ITPRID1: variants seen among roughly 807,000 people sequenced by gnomAD.
ITPRID1 encodes the protein protein ITPRID1.
Under a neutral mutation model 95.4 loss-of-function variants are expected in ITPRID1, and 96 were observed. That is an observed-to-expected ratio of 1.01 (90% CI 0.85 to 1.19). The LOEUF (loss-of-function observed/expected upper bound fraction) is 1.19, where lower values mean the gene tolerates loss of function less well. Among genes scored for constraint, ITPRID1 ranks in the 50% most tolerant of loss-of-function variants. The pLI is 0.00. For synonymous variants in ITPRID1, 510 were observed against 453.6 expected, an observed-to-expected ratio of 1.12 and a Z score of -1.58; for missense variants, 1,339 against 1,252.9, an observed-to-expected ratio of 1.07 and a Z score of -1.04.
intron 12 of ITPRID1, among the ~76,000 whole-genome samples, chr7:31,650,667 T>TA (rs920188221): frequency 6.6e-6 from 1 of 152,148 alleles, no homozygotes; most frequent in African/African-American, 2.4e-5. Context: ...GGACTAAGAC[T>TA]AATAAACATT....
intron 11 of ITPRID1, 92 bp from the exon 12 acceptor site, chr7:31,642,590 C>T (rs967291821): frequency 1.1e-4 from 126 of 1,166,864 alleles, no homozygotes; most frequent in Non-Finnish European, 1.4e-4. Context: ...TCTCCTGACT[C>T]CTAAGGCAAT....
chr7:31,552,465 G>T (rs1784312470), intron 2 of ITPRID1, among the ~76,000 whole-genome samples: 1 of 152,084 alleles, frequency 6.6e-6, no homozygotes, highest in African/African-American at 2.4e-5. Flanking sequence ...TTCCACTGAG[G>T]TTAACAGTTA....
intron 10 of ITPRID1, among the ~76,000 whole-genome samples, chr7:31,623,554 AC>A (rs1309122864): frequency 1.7e-4 from 26 of 151,522 alleles, no homozygotes; most frequent in Admixed American, 2.0e-4. Flanking sequence ...AAATTCAACA[AC>A]CCTTCATACT....
At chr7:31,550,071 AT>A (rs1246034083) in intron 2 of ITPRID1, among the ~76,000 whole-genome samples, 7 of 152,122 alleles carry the variant, frequency 4.6e-5, no homozygotes, top group African/African-American at 1.7e-4. Flanking sequence ...ATTTTTTCTG[AT>A]TTTGATTATT....
At chr7:31,560,132 G>A (rs187345388) in intron 5 of ITPRID1, among the ~76,000 whole-genome samples, 5 of 152,306 alleles carry the variant, frequency 3.3e-5, no homozygotes, top group Admixed American at 3.3e-4. Context: ...GGGAACATTT[G>A]TTATCTGGGG....
At chr7:31,562,071 G>T (rs926635976) in intron 5 of ITPRID1, among the ~76,000 whole-genome samples, 6 of 65,108 alleles carry the variant, frequency 9.2e-5, no homozygotes, top group African/African-American at 3.5e-4. Context: ...AAAAAAAAAA[G>T]CCTGGAGAGA....
intron 1 of ITPRID1, among the ~76,000 whole-genome samples, chr7:31,520,491 G>A (rs1178140489): frequency 3.3e-5 from 5 of 150,996 alleles, no homozygotes; most frequent in African/African-American, 9.7e-5. Context: ...GTTGATTCCT[G>A]TGTCTCTTTG....
intron 1 of ITPRID1, among the ~76,000 whole-genome samples, chr7:31,549,218 A>C (rs1236159027): frequency 6.6e-6 from 1 of 152,172 alleles, no homozygotes; most frequent in Non-Finnish European, 1.5e-5. Context: ...CAAGACTCTG[A>C]TAAGCACCTC....
At chr7:31,636,136 C>T (rs1789462489) in intron 10 of ITPRID1, among the ~76,000 whole-genome samples, 1 of 152,080 alleles carries the variant, frequency 6.6e-6, no homozygotes. Context: ...ACAAGAATAG[C>T]ATGGGGGTGG....
chr7:31,633,076 A>C (rs983950337), intron 10 of ITPRID1, among the ~76,000 whole-genome samples: 1 of 151,912 alleles, frequency 6.6e-6, no homozygotes, highest in Non-Finnish European at 1.5e-5. Flanking sequence ...TAGTAAAGAC[A>C]GGGTTTCACC....
chr7:31,540,043 A>G (rs1583473971), intron 1 of ITPRID1, among the ~76,000 whole-genome samples: 1 of 152,268 alleles, frequency 6.6e-6, no homozygotes, highest in South Asian at 2.1e-4. Flanking sequence ...TGCTTGTTCA[A>G]ATGGTGATGC....
intron 1 of ITPRID1, among the ~76,000 whole-genome samples, chr7:31,523,609 T>G (rs1783336554): frequency 6.6e-6 from 1 of 152,214 alleles, no homozygotes; most frequent in Admixed American, 6.5e-5. Flanking sequence ...GGCTTGGTCC[T>G]GTCCTCATAA....
intron 1 of ITPRID1, among the ~76,000 whole-genome samples, chr7:31,531,525 T>C (rs1783596287): frequency 6.6e-6 from 1 of 152,146 alleles, no homozygotes; most frequent in Admixed American, 6.5e-5. Flanking sequence ...GATCGTTCAC[T>C]GGGGGAGCAT....
chr7:31,540,737 C>G (rs1783906724), intron 1 of ITPRID1, among the ~76,000 whole-genome samples: 1 of 152,214 alleles, frequency 6.6e-6, no homozygotes, highest in Non-Finnish European at 1.5e-5. Context: ...TTTGTACCAT[C>G]AAATACCTAT....
chr7:31,553,357 C>T (rs1784348784), intron 3 of ITPRID1, among the ~76,000 whole-genome samples, 170 bp downstream of exon 3: 1 of 152,216 alleles, frequency 6.6e-6, no homozygotes, highest in Non-Finnish European at 1.5e-5. Flanking sequence ...CTTCTGACTT[C>T]TGCTATAGAC....
downstream of ITPRID1, chr7:31,658,273 G>C: frequency 7.3e-6 from 11 of 1,502,600 alleles, no homozygotes; most frequent in Non-Finnish European, 9.7e-6. Flanking sequence ...TCTTATAGGT[G>C]AATTATTGTC....
chr7:31,556,581 G>C (rs1047714419), intron 5 of ITPRID1, among the ~76,000 whole-genome samples: 1 of 152,084 alleles, frequency 6.6e-6, no homozygotes, highest in Non-Finnish European at 1.5e-5. Flanking sequence ...GCTTGGGGGA[G>C]CTGAGAGACA....
rs1791149916 is a variant in ITPRID1 at position 31,653,772 on chromosome 7, T to C, written c.*943T>C. The C allele has an allele frequency of 6.6e-6, 1 of 152,194 alleles. No homozygotes were observed. Among genetic ancestry groups the C allele is most frequent in the African/African-American group, 2.4e-5 (1 of 41,436 alleles). The allele number at this position is 152,194 out of a possible 1,614,324, so 9.4% of individuals were successfully genotyped here. On this transcript the variant is annotated 3_prime_UTR_variant, in exon 15 of 15. Coordinates refer to ENST00000615280, the MANE Select transcript of ITPRID1 (RefSeq NM_001257967.3). ...CACAGAATATAAACATGTACGTACATTTATTATTAAAAACTCTGAAGGAAA... is the reference window on the plus strand; with the variant it reads ...CACAGAATATAAACATGTACGTACACTTATTATTAAAAACTCTGAAGGAAA...
intron 1 of ITPRID1, among the ~76,000 whole-genome samples, chr7:31,544,426 T>A (rs192402308): frequency 2.0e-4 from 31 of 152,248 alleles, no homozygotes; most frequent in Middle Eastern, 3.4e-3. Context: ...GCTTAGCAGC[T>A]CTTTGGTGAA....
Sources: gnomAD v4.1 joint callset for allele counts (sites outside exome capture counted in the v4.1 genomes callset) on GRCh38, gnomAD v4.1.1 for gene constraint, MANE v1.5 for transcripts, NCBI Gene and HGNC (gene_info 2026-07-23, HGNC 2026-07-21) for gene names.